NLGN1: variants seen among roughly 807,000 people sequenced by gnomAD.
The protein encoded by NLGN1 is neuroligin-1.
A neutral mutation model predicts 65.5 loss-of-function variants in NLGN1; 12 were observed. That is an observed-to-expected ratio of 0.18 (90% CI 0.12 to 0.30). The LOEUF (loss-of-function observed/expected upper bound fraction) is 0.30, where lower values mean the gene tolerates loss of function less well. NLGN1 is among the 10% of genes least tolerant of loss of function. NLGN1 has a pLI of 1.00. For missense variants in NLGN1, 750 were observed against 1,007.1 expected (o/e 0.74, Z 3.46); for synonymous variants, 350 against 359.5 (o/e 0.97, Z 0.30).
chr3:173,507,273 A>G (rs749154107), intron 2 of NLGN1, among the ~76,000 whole-genome samples: 24 of 152,186 alleles, frequency 1.6e-4, no homozygotes, highest in Middle Eastern at 3.4e-3. Context: ...CGCCCTTAAC[A>G]TTTTGTCACA....
chr3:173,608,800 C>A (rs1577512665), intron 3 of NLGN1, among the ~76,000 whole-genome samples: 1 of 151,638 alleles, frequency 6.6e-6, no homozygotes, highest in Non-Finnish European at 1.5e-5. Context: ...TCTTTTTATT[C>A]TATCAGTTGA....
intron 1 of NLGN1, among the ~76,000 whole-genome samples, chr3:173,408,688 G>A (rs1184820679): frequency 2.0e-5 from 3 of 152,110 alleles, no homozygotes; most frequent in Admixed American, 6.5e-5. Context: ...CGAGGCGGGC[G>A]GATCACAGGG....
At chr3:173,956,774 T>C (rs971134446) in intron 4 of NLGN1, among the ~76,000 whole-genome samples, 1 of 152,212 alleles carries the variant, frequency 6.6e-6, no homozygotes, top group East Asian at 1.9e-4. Context: ...ATTGAAACTT[T>C]TTGTTGATAA....
chr3:173,974,502 C>T (rs1716985757), intron 4 of NLGN1, among the ~76,000 whole-genome samples: 1 of 151,870 alleles, frequency 6.6e-6, no homozygotes, highest in Non-Finnish European at 1.5e-5. Context: ...GTCACAAATC[C>T]TGACCTTTAC....
At chr3:173,704,069 T>TTTTA (rs1216241173) in intron 3 of NLGN1, among the ~76,000 whole-genome samples, 23 of 152,208 alleles carry the variant, frequency 1.5e-4, no homozygotes, top group African/African-American at 5.3e-4. Flanking sequence ...ATTGCCTGCC[T>TTTTA]TTTATTTTTT....
chr3:173,520,338 G>T (rs1734550285), intron 2 of NLGN1, among the ~76,000 whole-genome samples: 1 of 152,200 alleles, frequency 6.6e-6, no homozygotes, highest in South Asian at 2.1e-4. Flanking sequence ...AACAGGAGTA[G>T]ATGCAAAATT....
chr3:174,228,926 A>G (rs1486917886), intron 4 of NLGN1, among the ~76,000 whole-genome samples: 5 of 152,094 alleles, frequency 3.3e-5, no homozygotes, highest in Admixed American at 1.3e-4. Context: ...AAACTAGGCT[A>G]CAGTATCATA....
intron 4 of NLGN1, among the ~76,000 whole-genome samples, chr3:174,219,784 A>C (rs1168336649): frequency 6.6e-6 from 1 of 152,170 alleles, no homozygotes; most frequent in Non-Finnish European, 1.5e-5. Context: ...GTCAGAGCTG[A>C]AAGCAAAGAC....
intron 3 of NLGN1, among the ~76,000 whole-genome samples, chr3:173,717,844 A>T (rs1481195450): frequency 6.6e-6 from 1 of 152,160 alleles, no homozygotes; most frequent in Non-Finnish European, 1.5e-5. Flanking sequence ...TAAACCTACT[A>T]TGTACCCCCA....
intron 3 of NLGN1, among the ~76,000 whole-genome samples, chr3:173,624,865 T>C (rs2149517311): frequency 6.7e-6 from 1 of 148,276 alleles, no homozygotes; most frequent in East Asian, 2.0e-4. Context: ...TTTTATCCAC[T>C]CTCTCTTTAT....
intron 4 of NLGN1, chr3:173,912,640 G>A (rs1286917018): frequency 2.0e-5 from 3 of 151,996 alleles, no homozygotes; most frequent in Non-Finnish European, 2.9e-5. Context: ...AAATGAGTTA[G>A]TAAACTGTAT....
intron 3 of NLGN1, among the ~76,000 whole-genome samples, chr3:173,687,235 C>T (rs1203577778): frequency 6.6e-6 from 1 of 152,202 alleles, no homozygotes; most frequent in Non-Finnish European, 1.5e-5. Flanking sequence ...CTCAGTAACT[C>T]CTTTGTGTAA....
the NLGN1 span, among the ~76,000 whole-genome samples, chr3:174,292,724 T>C: frequency 7.3e-5 from 11 of 151,578 alleles, no homozygotes; most frequent in African/African-American, 2.7e-4. Context: ...ATAATTTCAG[T>C]TGTCACTTGT....
At chr3:174,144,685 CAT>C (rs1722889851) in intron 4 of NLGN1, among the ~76,000 whole-genome samples, 3 of 152,054 alleles carry the variant, frequency 2.0e-5, no homozygotes, top group Admixed American at 1.3e-4. Context: ...AGCTTTTTTT[CAT>C]ATGTTTGTTG....
chr3:173,754,774 C>T (rs1240757014), intron 3 of NLGN1, among the ~76,000 whole-genome samples: 3 of 152,154 alleles, frequency 2.0e-5, no homozygotes, highest in African/African-American at 7.2e-5. Context: ...TGTACCTACA[C>T]TAATGTTTTC....
At chr3:173,748,732 T>C (rs1368379420) in intron 3 of NLGN1, among the ~76,000 whole-genome samples, 2 of 152,146 alleles carry the variant, frequency 1.3e-5, no homozygotes, top group Non-Finnish European at 2.9e-5. Context: ...TATTCAGCTA[T>C]GTAGATATCT....
At chr3:173,588,486 C>T (rs1560009888) in intron 2 of NLGN1, among the ~76,000 whole-genome samples, 1 of 152,112 alleles carries the variant, frequency 6.6e-6, no homozygotes, top group South Asian at 2.1e-4. Context: ...GGTAGCTAAC[C>T]TGTGTGATAG....
intron 3 of NLGN1, among the ~76,000 whole-genome samples, chr3:173,679,897 T>A (rs1434946357): frequency 6.6e-6 from 1 of 152,122 alleles, no homozygotes. Flanking sequence ...GAATATGGCA[T>A]GTTTTATGAT....
At chr3:174,120,802 A>G (rs1303429538) in intron 4 of NLGN1, among the ~76,000 whole-genome samples, 2 of 152,194 alleles carry the variant, frequency 1.3e-5, no homozygotes, top group Non-Finnish European at 2.9e-5. Context: ...TTAAACCTCA[A>G]AAAGATAGTT....
Sources: allele counts gnomAD v4.1 joint callset (sites outside exome capture counted in the v4.1 genomes callset), GRCh38; gene constraint gnomAD v4.1.1; transcripts MANE v1.5; gene names NCBI Gene and HGNC (gene_info 2026-07-23, HGNC 2026-07-21).